BOP1: variants seen among roughly 807,000 people sequenced by gnomAD.
BOP1 encodes BOP1 ribosomal biogenesis factor.
In BOP1, 54 loss-of-function variants were observed where a neutral mutation model predicts 82.9. The ratio of observed to expected loss-of-function variants is 0.65; its 90% CI spans 0.52 to 0.82. BOP1 has a LOEUF of 0.82. Among genes scored for constraint, BOP1 ranks in the 40% least tolerant of loss-of-function variants. The pLI is 0.00. For missense variants in BOP1, 1,170 were observed against 1,072.0 expected (o/e 1.09, Z -1.28); for synonymous variants, 566 against 451.1 (o/e 1.25, Z -3.23).
chr8:144,264,752 T>G lies in BOP1; in HGVS notation c.625A>C (p.Ser209Arg). Reference protein sequence around the residue: ...EQVALVRRLQSGQFGDVGFNP... With the variant: ...EQVALVRRLQRGQFGDVGFNP... Reference sequence around the variant, plus strand: ...AAGCCCACATCCCCAAACTGGCCACTCTGCAGCCGCCGCACCAGGGCCACC... The same window carrying G: ...AAGCCCACATCCCCAAACTGGCCACGCTGCAGCCGCCGCACCAGGGCCACC... Residue 209 changes from serine (S) to arginine (R), a missense_variant, in exon 5 of 16, where the codon AGT (serine) becomes CGT (arginine). Ser to Arg is a moderately radical substitution (Grantham distance 110, BLOSUM62 -1). Coordinates refer to ENST00000569669, the MANE Select transcript of BOP1 (RefSeq NM_015201.5). 1 of 1,594,082 alleles carries G rather than the reference T, an allele frequency of 6.3e-7. No homozygotes were observed.
intron 3 of BOP1, among the ~76,000 whole-genome samples, chr8:144,267,921 T>A (rs1333166056): frequency 6.6e-6 from 1 of 152,160 alleles, no homozygotes; most frequent in East Asian, 1.9e-4. Flanking sequence ...AAATTTAATT[T>A]TACAATTTCG....
intron 2 of BOP1, among the ~76,000 whole-genome samples, chr8:144,281,080 C>T (rs1845668295): frequency 6.6e-6 from 1 of 151,092 alleles, no homozygotes; most frequent in Admixed American, 6.6e-5. Flanking sequence ...GGTCTTCGGC[C>T]TTCTCTCACT....
At chr8:144,279,268 A>G (rs1278038340) in intron 2 of BOP1, among the ~76,000 whole-genome samples, 5 of 150,732 alleles carry the variant, frequency 3.3e-5, no homozygotes, top group African/African-American at 9.8e-5. Flanking sequence ...CCCCACGATC[A>G]CCACAGGCCA....
At chr8:144,288,856 C>A (rs1056204560) in intron 2 of BOP1, among the ~76,000 whole-genome samples, 1 of 152,234 alleles carries the variant, frequency 6.6e-6, no homozygotes, top group Non-Finnish European at 1.5e-5. Context: ...GTTGCCCGAG[C>A]ATCGTCTGAC....
chr8:144,264,417 G>A lies in BOP1; in HGVS notation c.786C>T (p.Ala262=). 2 of 1,602,930 alleles carry A rather than the reference G, an allele frequency of 1.2e-6. No individual in the cohort carries two copies. The highest frequency in any genetic ancestry group is 1.7e-6 in the Non-Finnish European group (2 of 1,179,694). ...EKEKVSRMVH[A]IKMGWIQPRR... is the part of the protein sequence containing the mutation. Reference sequence around the variant, plus strand: ...GAGGCTGGATCCAGCCCATCTTGATGGCGTGCACCATGCGAGAGACCTGCA... The same window carrying A: ...GAGGCTGGATCCAGCCCATCTTGATAGCGTGCACCATGCGAGAGACCTGCA... The change falls in exon 7 of 16, where the codon GCC becomes GCT. Residue 262 remains alanine, a synonymous_variant. Transcript: ENST00000569669.
intron 3 of BOP1, 58 bp downstream of exon 3, chr8:144,276,166 G>T: frequency 6.3e-7 from 1 of 1,590,262 alleles, no homozygotes. Context: ...CCCAGCACCT[G>T]CTAGGCTGTG....
At chr8:144,272,576 C>T (rs978426609) in intron 3 of BOP1, among the ~76,000 whole-genome samples, 3 of 152,162 alleles carry the variant, frequency 2.0e-5, no homozygotes, top group African/African-American at 7.2e-5. Flanking sequence ...GAGCACCCCC[C>T]GCTGCCCACC....
At chr8:144,277,475 G>A (rs957796638) in intron 2 of BOP1, among the ~76,000 whole-genome samples, 8 of 152,362 alleles carry the variant, frequency 5.3e-5, no homozygotes, top group Admixed American at 2.6e-4. Flanking sequence ...CTCTGCGGAC[G>A]GGTACCGGGC....
chr8:144,268,354 C>CG lies in BOP1; in HGVS notation c.391-3284dup, dbSNP rs1157156051. ...CTCTGCGCTGGCCCCAGCACCTGCC[C>CG]GGGCCCACTGGAACTTTCTGCGCTG... On this transcript the variant is annotated intron_variant, in intron 3 of 15. Transcript: ENST00000569669. 3 of 638,994 alleles carry CG rather than the reference C, an allele frequency of 4.7e-6. No individual in the cohort carries two copies. The African/African-American group carries it at 5.5e-5, about 12-fold the overall frequency. 39.6% of individuals were successfully genotyped at this position (638,994 alleles called of 1,614,324 possible). A position where few individuals can be genotyped will look rare whatever the true frequency, so the allele number is the denominator to read the frequency against.
chr8:144,291,009 G>C lies in BOP1; in HGVS notation c.99+263C>G, dbSNP rs1209385623. Among the ~76,000 whole-genome samples, 1 of 152,228 alleles carries C rather than the reference G, an allele frequency of 6.6e-6. No individual in the cohort carries two copies. The highest frequency in any genetic ancestry group is 1.5e-5 in the Non-Finnish European group (1 of 68,034). On this transcript the variant is annotated intron_variant, in intron 1 of 15. Transcript: ENST00000569669. This position sits in a 1 kb window ranked among gnomAD's most constrained non-coding sequence, Gnocchi z 4.1. ...CCTTTTATTGGCAGGATGCACAAAT[G>C]GAACGGCTGGAGAGGCTGCTGCAAG...
At chr8:144,267,093 GCCGCCCCCGCCGCCTC>G in intron 3 of BOP1, 1 of 1,386,256 alleles carries the variant, frequency 7.2e-7, no homozygotes, top group Non-Finnish European at 9.3e-7. Context: ...GCCCCCCGCC[GCCGCCCCCGCCGCCTC>G]CCGCCCGCGA....
At chr8:144,290,200 T>TA (rs767802349) in intron 1 of BOP1, among the ~76,000 whole-genome samples, 16 of 151,746 alleles carry the variant, frequency 1.1e-4, no homozygotes, top group Non-Finnish European at 1.9e-4. Flanking sequence ...CTACTAAAAA[T>TA]ACAAAAATTA....
At chr8:144,273,717 T>A (rs1845528986) in intron 3 of BOP1, among the ~76,000 whole-genome samples, 1 of 152,058 alleles carries the variant, frequency 6.6e-6, no homozygotes, top group African/African-American at 2.4e-5. Context: ...ATCACGTCTG[T>A]GAAGCTCCAG....
At chr8:144,277,820 G>A (rs112527529) in intron 2 of BOP1, among the ~76,000 whole-genome samples, 29,980 of 145,254 alleles carry the variant, frequency 0.21, 7,352 homozygotes, top group African/African-American at 0.58. Flanking sequence ...GGGGCGGTGC[G>A]GGCAGGGGCG....
At chr8:144,262,798 A>T in intron 13 of BOP1, 55 bp downstream of exon 13, 1 of 428,432 alleles carries the variant, frequency 2.3e-6, no homozygotes, top group Non-Finnish European at 3.9e-6. Flanking sequence ...CCTGCAGGGT[A>T]CACCGCCCCC....
chr8:144,287,468 G>A (rs1263990492), intron 2 of BOP1, among the ~76,000 whole-genome samples: 3 of 152,072 alleles, frequency 2.0e-5, no homozygotes, highest in African/African-American at 7.2e-5. Context: ...GAATGGTGCT[G>A]CTACAATATC....
rs1486044852 is a variant in BOP1, at chr8:144,264,557, G to C, written c.723C>G (p.Ala241=). 5.6e-6 allele frequency: 9 copies of C among 1,609,882 alleles called. No homozygotes were observed. Among genetic ancestry groups the C allele is most frequent in the South Asian group, 1.1e-5 (1 of 90,584 alleles). Reference sequence around the variant, plus strand: ...GGGAGGGGATGAAGCTGCGCTTGTCGGCCGGGCGGTTGGTCACCGGGTGGA... The same window carrying C: ...GGGAGGGGATGAAGCTGCGCTTGTCCGCCGGGCGGTTGGTCACCGGGTGGA... ...VMIHPVTNRP[A]DKRSFIPSLV... Residue 241 remains alanine (A), a synonymous_variant, in exon 6 of 16, where the codon GCC becomes GCG. Coordinates refer to ENST00000569669, the MANE Select transcript of BOP1 (RefSeq NM_015201.5).
chr8:144,262,497 G>A lies in BOP1; in HGVS notation c.1986C>T (p.His662=). 1 of 1,612,940 alleles carries A rather than the reference G, an allele frequency of 6.2e-7. No individual in the cohort carries two copies. Among genetic ancestry groups the A allele is most frequent in the Non-Finnish European group, 8.5e-7 (1 of 1,179,820 alleles). The change falls in exon 15 of 16, where the codon CAC becomes CAT. Residue 662 remains histidine (H), a synonymous_variant. Transcript: ENST00000569669. ...STKPYRMLRH[H]KKALRAVAFH... Reference sequence around the variant, plus strand: ...AGGCCACAGCCCGCAGAGCCTTCTTGTGGTGTCTGGGGGGAGGGAACCAGG... The same window carrying A: ...AGGCCACAGCCCGCAGAGCCTTCTTATGGTGTCTGGGGGGAGGGAACCAGG...
chr8:144,263,285 C>T lies in BOP1; in HGVS notation c.1541G>A (p.Arg514His), dbSNP rs1167544992. The change falls in exon 12 of 16, where the codon CGC becomes CAC. Residue 514 changes from arginine to histidine, a missense_variant. Transcript: ENST00000569669. ...PPEEPPLQPARWLEASEEERQ... is the reference protein window; with the variant it reads ...PPEEPPLQPAHWLEASEEERQ... The stretch of plus-strand genomic sequence containing the variant: ...CTCCTCCTCTGAGGCCTCCAGCCAG[C>T]GGGCCGGCTGCAAGGGGGGCTCCTC... 2.7e-5 allele frequency: 43 copies of T among 1,594,090 alleles called. No individual in the cohort carries two copies. Among genetic ancestry groups the T allele is most frequent in the African/African-American group, 9.4e-5 (7 of 74,836 alleles).
Sources: gnomAD v4.1 joint callset for allele counts (sites outside exome capture counted in the v4.1 genomes callset) on GRCh38, gnomAD v4.1.1 for gene constraint, Gnocchi (gnomAD v3.1) non-coding constraint, MANE v1.5 for transcripts, NCBI Gene and HGNC (gene_info 2026-07-23, HGNC 2026-07-21) for gene names.